The following ACOT12 variants were observed in gnomAD, a reference collection of about 807,000 sequenced individuals.
ACOT12 encodes the protein acyl-CoA thioesterase 12.
Under a neutral mutation model 67.7 loss-of-function variants are expected in ACOT12, and 51 were observed. The ratio of observed to expected loss-of-function variants is 0.75; its 90% CI spans 0.60 to 0.95. The LOEUF (loss-of-function observed/expected upper bound fraction) is 0.95. Ranked by LOEUF, ACOT12 falls within the 40% of genes least tolerant of loss-of-function variation. The pLI, the probability that ACOT12 is intolerant of heterozygous loss-of-function variation, is 0.00. For missense variants in ACOT12, 734 were observed against 708.1 expected, an observed-to-expected ratio of 1.04 and a Z score of -0.41; for synonymous variants, 251 against 244.6, an observed-to-expected ratio of 1.03 and a Z score of -0.24.
chr5:81,357,150 T>G (rs1480574774), intron 5 of ACOT12, among the ~76,000 whole-genome samples: 1 of 152,120 alleles, frequency 6.6e-6, no homozygotes, highest in Non-Finnish European at 1.5e-5. Flanking sequence ...CTTCCCAACT[T>G]TCTTCTCATA....
chr5:81,345,950 C>T lies in ACOT12; in HGVS notation c.708G>A (p.Arg236=). The T allele has an allele frequency of 6.2e-7, 1 of 1,613,974 alleles. No homozygotes were observed. Residue 236 remains arginine, a synonymous_variant, in exon 7 of 15, where the codon CGG becomes CGA. Transcript: ENST00000307624. ...GACGATCTCCAACTGTAGATGGTCCCCGGAACTTAAACATATCTACGGACT... is the reference window on the plus strand; with the variant it reads ...GACGATCTCCAACTGTAGATGGTCCTCGGAACTTAAACATATCTACGGACT... ...FLKSVDMFKF[R]GPSTVGDRLV...
chr5:81,383,561 A>AT (rs1312874302), intron 2 of ACOT12, among the ~76,000 whole-genome samples: 14 of 152,336 alleles, frequency 9.2e-5, no homozygotes, highest in African/African-American at 3.4e-4. Flanking sequence ...TTATGTTAAA[A>AT]GACACTTAAG....
At chr5:81,337,986 G>A (rs1759057145) in intron 11 of ACOT12, among the ~76,000 whole-genome samples, 1 of 152,176 alleles carries the variant, frequency 6.6e-6, no homozygotes, top group Admixed American at 6.5e-5. Context: ...TACAGTACTG[G>A]ATGAGCAAAT....
chr5:81,351,507 G>T (rs1388951043), intron 5 of ACOT12, among the ~76,000 whole-genome samples: 1 of 152,168 alleles, frequency 6.6e-6, no homozygotes. Context: ...TTGGGGAAAG[G>T]ACAATCTCTT....
At chr5:81,333,751 C>T (rs896278599) in intron 12 of ACOT12, among the ~76,000 whole-genome samples, 5 of 151,970 alleles carry the variant, frequency 3.3e-5, no homozygotes, top group South Asian at 2.1e-4. Context: ...GCATTAACCA[C>T]GATGTATCAT....
At position 81,330,309 on chromosome 5, in the gene ACOT12, G is replaced by T; in HGVS notation, c.*85C>A. On this transcript the variant is annotated 3_prime_UTR_variant, in exon 15 of 15. Coordinates refer to ENST00000307624, the MANE Select transcript of ACOT12 (RefSeq NM_130767.3). ...TAGGGTTATATTAAATTATTTTGTG[G>T]CCCCAAAGCTTGACAGATGTCAGGG... 1 of 1,422,384 alleles carries T rather than the reference G, an allele frequency of 7.0e-7. No homozygotes were observed. The allele number at this position is 1,422,384 out of a possible 1,614,324, so 88.1% of individuals were successfully genotyped here.
chr5:81,364,287 C>T (rs34126274), intron 3 of ACOT12, among the ~76,000 whole-genome samples: 41,385 of 150,386 alleles, frequency 0.28, 5,934 homozygotes, highest in African/African-American at 0.32. Flanking sequence ...ATACATATCA[C>T]ATAATACATA....
At chr5:81,373,270 G>A (rs1760309497) in intron 2 of ACOT12, among the ~76,000 whole-genome samples, 2 of 152,208 alleles carry the variant, frequency 1.3e-5, no homozygotes, top group African/African-American at 4.8e-5. Flanking sequence ...GGGGTCAGGG[G>A]ATTTCCCTCC....
chr5:81,362,188 G>A (rs1292467062), intron 4 of ACOT12, among the ~76,000 whole-genome samples: 2 of 144,346 alleles, frequency 1.4e-5, no homozygotes, highest in East Asian at 2.0e-4. Flanking sequence ...TTTTTGAGAC[G>A]GAGTTTTGCT....
chr5:81,344,141 T>G lies in ACOT12; in HGVS notation c.980+19A>C. The G allele has an allele frequency of 6.2e-7, 1 of 1,612,102 alleles. No homozygotes were observed. Among genetic ancestry groups the G allele is most frequent in the South Asian group, 1.1e-5 (1 of 90,828 alleles). ...ATTAACGAAGACTCCATAAAATCATTACACCTTATGTTCCTTACCTGCCTA... is the reference window on the plus strand; with the variant it reads ...ATTAACGAAGACTCCATAAAATCATGACACCTTATGTTCCTTACCTGCCTA... On this transcript the variant is annotated intron_variant, in intron 9 of 14. Coordinates refer to ENST00000307624, the MANE Select transcript of ACOT12 (RefSeq NM_130767.3).
chr5:81,354,790 G>T (rs1043093440), intron 5 of ACOT12, among the ~76,000 whole-genome samples: 21 of 151,534 alleles, frequency 1.4e-4, no homozygotes, highest in Admixed American at 1.2e-3. Context: ...TGTAAACTCC[G>T]CCTCTTGGGT....
chr5:81,384,143 TAG>T (rs1760664945), intron 2 of ACOT12, among the ~76,000 whole-genome samples: 1 of 139,406 alleles, frequency 7.2e-6, no homozygotes, highest in African/African-American at 2.7e-5. Flanking sequence ...TTTTTGTAGA[TAG>T]AGTCTTGCTC....
At chr5:81,351,082 A>AT (rs1350139760) in intron 5 of ACOT12, among the ~76,000 whole-genome samples, 1 of 152,110 alleles carries the variant, frequency 6.6e-6, no homozygotes, top group Non-Finnish European at 1.5e-5. Context: ...GTTTGTAAAT[A>AT]TTTTTCCAGA....
chr5:81,372,351 C>T (rs116038925), intron 2 of ACOT12, among the ~76,000 whole-genome samples: 39 of 152,292 alleles, frequency 2.6e-4, no homozygotes, highest in African/African-American at 9.1e-4. Flanking sequence ...TATTCAGGCC[C>T]TTCAGTCAGC....
intron 3 of ACOT12, among the ~76,000 whole-genome samples, chr5:81,369,625 G>A (rs1760186333): frequency 6.6e-6 from 1 of 152,140 alleles, no homozygotes; most frequent in African/African-American, 2.4e-5. Context: ...AGTCAGTGGA[G>A]GCTAGGGTTT....
At position 81,330,887 on chromosome 5, in the gene ACOT12, G is replaced by A. The variant is rs1034591696; in HGVS notation, c.1445C>T (p.Ser482Phe). The A allele has an allele frequency of 2.5e-6, 4 of 1,613,242 alleles. No homozygotes were observed. The East Asian group carries it at 6.7e-5, about 27-fold the overall frequency. ...KSVILPSVPP[S>F]PQYIRSEIIC... ...GATTTCACTTCTGATGTACTGTGGAGACGGGGGGACCGATGGCAAAATGAC... is the reference window on the plus strand; with the variant it reads ...GATTTCACTTCTGATGTACTGTGGAAACGGGGGGACCGATGGCAAAATGAC... Residue 482 changes from serine to phenylalanine, a missense_variant, in exon 14 of 15, where the codon TCT becomes TTT. Coordinates refer to ENST00000307624, the MANE Select transcript of ACOT12 (RefSeq NM_130767.3).
intron 4 of ACOT12, among the ~76,000 whole-genome samples, chr5:81,361,077 C>CAAAAAAAAAAAAAAAA (rs71000820): frequency 5.7e-5 from 3 of 52,616 alleles, no homozygotes; most frequent in Admixed American, 2.4e-4. Context: ...GACTCCATCT[C>CAAAAAAAAAAAAAAAA]AAAAAAAAAA....
At chr5:81,362,181 T>G (rs1296626283) in intron 4 of ACOT12, among the ~76,000 whole-genome samples, 4 of 132,324 alleles carry the variant, frequency 3.0e-5, no homozygotes, top group Admixed American at 1.5e-4. Flanking sequence ...TTTTTTTTTT[T>G]TGAGACGGAG....
chr5:81,345,724 A>G (rs376391583), intron 7 of ACOT12, among the ~76,000 whole-genome samples, 161 bp downstream of exon 7: 55 of 152,280 alleles, frequency 3.6e-4, no homozygotes, highest in South Asian at 3.5e-3. Context: ...AAAGGCCCCA[A>G]GCAGAACAAA....
Sources: allele counts gnomAD v4.1 joint callset (sites outside exome capture counted in the v4.1 genomes callset), GRCh38; gene constraint gnomAD v4.1.1; transcripts MANE v1.5; gene names NCBI Gene and HGNC (gene_info 2026-07-23, HGNC 2026-07-21).